ABCA9: variants seen among roughly 807,000 people sequenced by gnomAD.
ABCA9 encodes the protein ATP binding cassette subfamily A member 9.
Under a neutral mutation model 205.3 loss-of-function variants are expected in ABCA9, and 183 were observed. That is an observed-to-expected ratio of 0.89 (90% CI 0.79 to 1.01). ABCA9 has a LOEUF of 1.01. Ranked by LOEUF, ABCA9 falls within the 50% of genes least tolerant of loss-of-function variation. The pLI is 0.00. For synonymous variants in ABCA9, 651 were observed against 683.3 expected (o/e 0.95, Z 0.74); for missense variants, 1,805 against 1,912.4 (o/e 0.94, Z 1.05).
chr17:68,988,119 G>T lies in ABCA9; in HGVS notation c.4047+908C>A, dbSNP rs557509270. ...TGCAGTGTGAGGCAAGAGTGGAAAT[G>T]GAAGGACAGGAAACCTCTGTAGCAT... On this transcript the variant is annotated intron_variant, in intron 31 of 38. Transcript: ENST00000340001. Among the ~76,000 whole-genome samples the T allele has an allele frequency of 7.0e-4, 107 of 152,274 alleles. 4 individuals carry two copies. In the South Asian group the frequency reaches 0.022, roughly 31 times the overall value.
intron 37 of ABCA9, among the ~76,000 whole-genome samples, chr17:68,977,013 C>T (rs1207863516): frequency 6.7e-6 from 1 of 148,182 alleles, no homozygotes; most frequent in Non-Finnish European, 1.5e-5. Context: ...TAGGACTAGT[C>T]CCTATCTTAT....
chr17:68,998,049 C>A (rs1040492095), intron 25 of ABCA9, among the ~76,000 whole-genome samples: 1 of 152,158 alleles, frequency 6.6e-6, no homozygotes, highest in African/African-American at 2.4e-5. Context: ...GTAGACTTTT[C>A]AGATTGGCTT....
chr17:69,032,256 A>G lies in ABCA9; in HGVS notation c.1297T>C (p.Ser433Pro). The part of the protein sequence containing the change: ...ILPAEYGHRC[S>P]PLFFLKSCFW... The stretch of plus-strand genomic sequence containing the variant: ...CAGGATTTCAGGAAAAACAAGGGAG[A>G]ACATCGATGTCCATATTCAGCTATG... Residue 433 changes from serine to proline, a missense_variant, in exon 10 of 39, where the codon TCT becomes CCT. Physicochemically the swap from Ser to Pro is moderately conservative, Grantham distance 74. Transcript: ENST00000340001. 1 of 1,613,812 alleles carries G rather than the reference A, an allele frequency of 6.2e-7. No homozygotes were observed. Among genetic ancestry groups the G allele is most frequent in the Non-Finnish European group, 8.5e-7 (1 of 1,179,852 alleles).
In ABCA9 at chr17:69,035,723, T is replaced by C; in HGVS notation, c.879A>G (p.Gln293=). 2 of 1,613,596 alleles carry C rather than the reference T, an allele frequency of 1.2e-6. No individual in the cohort carries two copies. Among genetic ancestry groups the C allele is most frequent in the Non-Finnish European group, 1.7e-6 (2 of 1,179,786 alleles). Residue 293 remains glutamine (Q), a synonymous_variant, in exon 7 of 39, where the codon CAA becomes CAG. Transcript: ENST00000340001. ...TLMALIVKSA[Q]IVVLTGFVMV... ...TCACAAAACCAGTCAGGACGACAATTTGTGCAGATTTTACAATAAGAGCCA... is the reference window on the plus strand; with the variant it reads ...TCACAAAACCAGTCAGGACGACAATCTGTGCAGATTTTACAATAAGAGCCA...
chr17:68,993,446 AT>A (rs1037721628), intron 26 of ABCA9, among the ~76,000 whole-genome samples: 1 of 152,130 alleles, frequency 6.6e-6, no homozygotes, highest in African/African-American at 2.4e-5. Context: ...TCCCTCGATT[AT>A]GCCCCCAAGG....
chr17:68,992,821 AAAAAG>A (rs1567921583), intron 27 of ABCA9, 190 bp downstream of exon 27: 5 of 408,382 alleles, frequency 1.2e-5, no homozygotes, highest in Admixed American at 8.9e-5. Flanking sequence ...CTCAAAAAAA[AAAAAG>A]GGGGGGGGTC....
intron 9 of ABCA9, chr17:69,032,668 C>G (rs1163917879): frequency 6.4e-6 from 1 of 157,114 alleles, no homozygotes; most frequent in African/African-American, 2.4e-5. Context: ...AGCATGATCC[C>G]GGCTCACTAC....
intron 36 of ABCA9, 37 bp from the exon 37 acceptor site, chr17:68,982,678 T>C: frequency 6.4e-7 from 1 of 1,560,002 alleles, no homozygotes. Context: ...ACTCCAGGTG[T>C]CAAGGTTGAA....
the ABCA9 span, among the ~76,000 whole-genome samples, chr17:69,069,479 G>C: frequency 6.6e-6 from 1 of 152,098 alleles, no homozygotes; most frequent in East Asian, 1.9e-4. Context: ...CAGGGGAGGA[G>C]GGTCTGACCT....
At chr17:69,077,071 G>A in the ABCA9 span, among the ~76,000 whole-genome samples, 2 of 151,890 alleles carry the variant, frequency 1.3e-5, no homozygotes, top group Non-Finnish European at 2.9e-5. Context: ...TTTTGTTCTT[G>A]TTCTTCTAGT....
intron 30 of ABCA9, among the ~76,000 whole-genome samples, chr17:68,989,433 G>T (rs1424202729): frequency 1.3e-5 from 2 of 152,148 alleles, no homozygotes; most frequent in Non-Finnish European, 2.9e-5. Flanking sequence ...AAAGCCTGTT[G>T]TACGAACCCC....
chr17:68,989,665 C>T, intron 30 of ABCA9, 148 bp downstream of exon 30: 1 of 556,672 alleles, frequency 1.8e-6, no homozygotes, highest in Non-Finnish European at 3.2e-6. Flanking sequence ...AGGTCGTTAT[C>T]ATTTCAACTG....
At chr17:69,025,067 C>T (rs879526932) in intron 16 of ABCA9, among the ~76,000 whole-genome samples, 4 of 152,046 alleles carry the variant, frequency 2.6e-5, no homozygotes, top group Admixed American at 6.6e-5. Context: ...ATAGTACTTA[C>T]AAGTGCTATC....
intron 27 of ABCA9, 144 bp downstream of exon 27, chr17:68,992,872 C>T (rs1167973195): frequency 1.2e-5 from 7 of 605,318 alleles, no homozygotes; most frequent in East Asian, 3.0e-5. Flanking sequence ...TGTGTGTGCA[C>T]GCATGCATGC....
chr17:69,032,381 C>G (rs1284163502), intron 9 of ABCA9, 105 bp from the exon 10 acceptor site: 2 of 1,030,354 alleles, frequency 1.9e-6, no homozygotes, highest in Non-Finnish European at 2.8e-6. Flanking sequence ...CCCACATTAT[C>G]ATATTAAGGT....
At chr17:69,052,096 T>G (rs989615091) in intron 1 of ABCA9, among the ~76,000 whole-genome samples, 3 of 152,138 alleles carry the variant, frequency 2.0e-5, no homozygotes, top group Non-Finnish European at 2.9e-5. Context: ...ACAGGCTGCA[T>G]AAGGTGGCTC....
At chr17:69,017,201 A>G (rs533995194) in intron 21 of ABCA9, among the ~76,000 whole-genome samples, 13 of 152,246 alleles carry the variant, frequency 8.5e-5, no homozygotes, top group African/African-American at 2.6e-4. Context: ...TGCATTTAAC[A>G]TAATTATCTC....
At chr17:68,982,254 G>A (rs1362747898) in intron 37 of ABCA9, among the ~76,000 whole-genome samples, 4 of 152,076 alleles carry the variant, frequency 2.6e-5, no homozygotes, top group South Asian at 4.1e-4. Context: ...CACTAATGAC[G>A]TTTTGACTGA....
In ABCA9 at chr17:69,047,118, C is replaced by A. The variant is rs545114717; in HGVS notation, c.305-1782G>T. The stretch of plus-strand genomic sequence containing the variant: ...CTGAGATTACAGGCACATGCCACCA[C>A]ACCCAGCTAATTTTTGTATTTTTAG... On this transcript the variant is annotated intron_variant, in intron 3 of 38. Transcript: ENST00000340001. Among the ~76,000 whole-genome samples, 312 of 151,212 alleles carry A rather than the reference C, an allele frequency of 2.1e-3. 2 individuals are homozygous for A. The highest frequency in any genetic ancestry group is 7.3e-3 in the African/African-American group (302 of 41,170).
Sources: gnomAD v4.1 joint callset for allele counts (sites outside exome capture counted in the v4.1 genomes callset) on GRCh38, gnomAD v4.1.1 for gene constraint, MANE v1.5 for transcripts, NCBI Gene and HGNC (gene_info 2026-07-23, HGNC 2026-07-21) for gene names.